Variants in ADGRL2 observed in about 807,000 individuals in gnomAD.
ADGRL2 encodes calcium-independent alpha-latrotoxin receptor 2.
ADGRL2 carries 44 observed loss-of-function variants against 157.4 expected under a neutral mutation model. The observed-to-expected ratio is 0.28, with a 90% CI of 0.22 to 0.36. The LOEUF is 0.36. ADGRL2 is among the 10% of genes least tolerant of loss of function. The probability of loss-of-function intolerance (pLI) is 1.00; values close to 1 mark genes in which losing one functional copy is unlikely to be tolerated. For missense variants in ADGRL2, 1,510 were observed against 1,768.9 expected (o/e 0.85, Z 2.63); for synonymous variants, 585 against 624.7 (o/e 0.94, Z 0.95).
intron 2 of ADGRL2, among the ~76,000 whole-genome samples, chr1:81,488,270 A>G (rs2078552172): frequency 6.6e-6 from 1 of 152,232 alleles, no homozygotes; most frequent in South Asian, 2.1e-4. Flanking sequence ...TTTACACCTC[A>G]GGTGGATCCT....
At chr1:81,958,018 G>C (rs1290355643) in intron 11 of ADGRL2, among the ~76,000 whole-genome samples, 1 of 150,786 alleles carries the variant, frequency 6.6e-6, no homozygotes, top group African/African-American at 2.4e-5. Context: ...AAAAAAAAAT[G>C]GGAGGCCGAG....
intron 2 of ADGRL2, among the ~76,000 whole-genome samples, chr1:81,851,979 A>C (rs2093029156): frequency 6.6e-6 from 1 of 151,966 alleles, no homozygotes; most frequent in Admixed American, 6.6e-5. Flanking sequence ...TGGCGAATTA[A>C]AAAATTATTA....
intron 11 of ADGRL2, among the ~76,000 whole-genome samples, chr1:81,963,555 C>T (rs1385138857): frequency 1.3e-5 from 2 of 151,766 alleles, no homozygotes; most frequent in Non-Finnish European, 2.9e-5. Context: ...AAACTTCTAT[C>T]TGGTCAAAGA....
chr1:81,328,112 A>G (rs1243023442), intron 1 of ADGRL2, among the ~76,000 whole-genome samples: 1 of 152,182 alleles, frequency 6.6e-6, no homozygotes, highest in African/African-American at 2.4e-5. Context: ...AAAGTGCCAT[A>G]AGGAGCATTG....
chr1:81,763,256 A>G (rs1264539275), intron 2 of ADGRL2, among the ~76,000 whole-genome samples: 3 of 151,960 alleles, frequency 2.0e-5, no homozygotes, highest in Non-Finnish European at 2.9e-5. Flanking sequence ...AAAATTGGGA[A>G]ATACTTCTTT....
At chr1:81,495,811 T>C (rs2078718887) in intron 2 of ADGRL2, among the ~76,000 whole-genome samples, 1 of 152,308 alleles carries the variant, frequency 6.6e-6, no homozygotes, top group Admixed American at 6.5e-5. Flanking sequence ...TTGCTTAAAG[T>C]TATACAGAAA....
At chr1:81,713,661 G>T (rs2084012066) in intron 1 of ADGRL2, among the ~76,000 whole-genome samples, 1 of 152,162 alleles carries the variant, frequency 6.6e-6, no homozygotes, top group Admixed American at 6.5e-5. Context: ...ATGCATTTGT[G>T]TTATCTCAAC....
intron 2 of ADGRL2, among the ~76,000 whole-genome samples, chr1:81,563,023 T>A (rs1322641149): frequency 6.6e-6 from 1 of 152,194 alleles, no homozygotes; most frequent in Admixed American, 6.5e-5. Flanking sequence ...GCTAGGTGGA[T>A]GCCATATTGT....
chr1:81,349,890 A>G (rs1662757592), intron 1 of ADGRL2, among the ~76,000 whole-genome samples: 2 of 152,102 alleles, frequency 1.3e-5, no homozygotes, highest in African/African-American at 4.8e-5. Context: ...AAAAAAATAC[A>G]TTCTACAAAC....
At chr1:81,707,066 T>A (rs1394351056) in intron 1 of ADGRL2, among the ~76,000 whole-genome samples, 1 of 152,178 alleles carries the variant, frequency 6.6e-6, no homozygotes, top group East Asian at 1.9e-4. Flanking sequence ...CAAATTTAAC[T>A]TGGTCTGCCG....
chr1:81,760,790 T>A (rs1407884362), intron 1 of ADGRL2, among the ~76,000 whole-genome samples: 1 of 151,830 alleles, frequency 6.6e-6, no homozygotes, highest in Non-Finnish European at 1.5e-5. Flanking sequence ...TAGAAATAAA[T>A]TCCATGTAAA....
intron 1 of ADGRL2, among the ~76,000 whole-genome samples, chr1:81,360,374 T>C (rs2075956954): frequency 1.3e-5 from 2 of 151,908 alleles, no homozygotes; most frequent in African/African-American, 4.8e-5. Flanking sequence ...CCCTATATAC[T>C]CAAGAAAACA....
At chr1:81,981,037 T>C in intron 18 of ADGRL2, 1 of 420,026 alleles carries the variant, frequency 2.4e-6, no homozygotes. Context: ...GACTAATTTA[T>C]AAAATATATA....
At chr1:81,617,428 T>G (rs993374650) in intron 3 of ADGRL2, among the ~76,000 whole-genome samples, 1 of 152,214 alleles carries the variant, frequency 6.6e-6, no homozygotes, top group East Asian at 1.9e-4. Context: ...TCTAGACGAC[T>G]CTTGGAAAAA....
intron 3 of ADGRL2, among the ~76,000 whole-genome samples, chr1:81,601,633 C>T (rs1050483970): frequency 2.0e-5 from 3 of 152,176 alleles, no homozygotes; most frequent in African/African-American, 7.2e-5. Context: ...GAAATCTTAA[C>T]TAACAAAAAA....
At chr1:81,349,307 T>C (rs1264683673) in intron 1 of ADGRL2, among the ~76,000 whole-genome samples, 1 of 152,174 alleles carries the variant, frequency 6.6e-6, no homozygotes, top group Non-Finnish European at 1.5e-5. Flanking sequence ...GCCATTCTTA[T>C]CAGGGAATTT....
intron 1 of ADGRL2, among the ~76,000 whole-genome samples, chr1:81,721,147 C>A (rs72715724): frequency 0.019 from 2,917 of 149,808 alleles, 39 homozygotes; most frequent in South Asian, 0.053. Flanking sequence ...GCTGGGATTA[C>A]GGGTGTGAGC....
chr1:81,635,181 A>G (rs2148775042), intron 3 of ADGRL2, among the ~76,000 whole-genome samples: 1 of 152,270 alleles, frequency 6.6e-6, no homozygotes, highest in South Asian at 2.1e-4. Flanking sequence ...CACAGCAGTA[A>G]CTTACTTATA....
At chr1:81,497,282 C>T (rs557184814) in intron 2 of ADGRL2, among the ~76,000 whole-genome samples, 4 of 152,132 alleles carry the variant, frequency 2.6e-5, no homozygotes, top group African/African-American at 9.7e-5. Context: ...TTGCTCCAGG[C>T]GCTAGCGTAT....
Sources: gnomAD v4.1 joint callset for allele counts (sites outside exome capture counted in the v4.1 genomes callset) on GRCh38, gnomAD v4.1.1 for gene constraint, MANE v1.5 for transcripts, NCBI Gene and HGNC (gene_info 2026-07-23, HGNC 2026-07-21) for gene names.